SCD5: variants seen among roughly 807,000 people sequenced by gnomAD.
The protein encoded by SCD5 is stearoyl-CoA desaturase 5.
Under a neutral mutation model 30.4 loss-of-function variants are expected in SCD5, and 20 were observed. The ratio of observed to expected loss-of-function variants is 0.66; its 90% CI spans 0.46 to 0.96. SCD5 has a LOEUF of 0.96. Among genes scored for constraint, SCD5 ranks in the 40% least tolerant of loss-of-function variants. The pLI, the probability that SCD5 is intolerant of heterozygous loss-of-function variation, is 0.00. For synonymous variants in SCD5, 173 were observed against 176.4 expected (o/e 0.98, Z 0.16); for missense variants, 381 against 443.3 (o/e 0.86, Z 1.26).
intron 1 of SCD5, among the ~76,000 whole-genome samples, chr4:82,761,417 A>AGC (rs1721362119): frequency 6.6e-6 from 1 of 152,158 alleles, no homozygotes; most frequent in African/African-American, 2.4e-5. Context: ...ATAGCAACTG[A>AGC]TAGAGCCAGC....
At chr4:82,775,368 C>T (rs1721722913) in intron 1 of SCD5, 1 of 152,314 alleles carries the variant, frequency 6.6e-6, no homozygotes, top group Non-Finnish European at 1.5e-5. Flanking sequence ...AGGAAAGCAT[C>T]GGCATAGGTG....
chr4:82,748,640 G>A (rs1721042093), intron 1 of SCD5, among the ~76,000 whole-genome samples: 1 of 152,168 alleles, frequency 6.6e-6, no homozygotes, highest in Admixed American at 6.5e-5. Flanking sequence ...GTCTGCAGAT[G>A]GTTACCCACT....
In SCD5 at chr4:82,712,264, A is replaced by T. The variant is rs868018271; in HGVS notation, c.233-6851T>A. ...CTAACATATATATATATATATATAT[A>T]TATATATATATATATATATATATAT... On this transcript the variant is annotated intron_variant, in intron 1 of 4. Coordinates refer to ENST00000319540, the MANE Select transcript of SCD5 (RefSeq NM_001037582.3). Among the ~76,000 whole-genome samples the T allele has an allele frequency of 9.4e-5, 4 of 42,674 alleles. No individual in the cohort carries two copies. The East Asian group carries it at 2.4e-3, about 25-fold the overall frequency. The allele number at this position is 42,674 out of a possible 152,430, so 28.0% of individuals were successfully genotyped here. A position where few individuals can be genotyped will look rare whatever the true frequency, so the allele number is the denominator to read the frequency against.
intron 1 of SCD5, among the ~76,000 whole-genome samples, chr4:82,713,986 G>A (rs1177699930): frequency 4.6e-5 from 7 of 152,130 alleles, no homozygotes; most frequent in Non-Finnish European, 1.0e-4. Context: ...ATCGCTACAT[G>A]ACTGCACATG....
chr4:82,651,132 C>T (rs1488036070), intron 3 of SCD5, among the ~76,000 whole-genome samples: 2 of 152,150 alleles, frequency 1.3e-5, no homozygotes, highest in Non-Finnish European at 2.9e-5. Context: ...GAAAGTCTGT[C>T]TCACACAGAT....
intron 1 of SCD5, among the ~76,000 whole-genome samples, chr4:82,707,436 C>T (rs1242617589): frequency 6.6e-6 from 1 of 152,226 alleles, no homozygotes; most frequent in Non-Finnish European, 1.5e-5. Flanking sequence ...ACTATGCCAC[C>T]TCCAAGATGG....
At chr4:82,649,956 TC>T (rs1219142536) in intron 3 of SCD5, among the ~76,000 whole-genome samples, 2 of 152,192 alleles carry the variant, frequency 1.3e-5, no homozygotes, top group African/African-American at 4.8e-5. Context: ...CCCTGCCTCA[TC>T]CCGGGAGACA....
chr4:82,742,200 A>G (rs1720889660), intron 1 of SCD5, among the ~76,000 whole-genome samples: 1 of 152,190 alleles, frequency 6.6e-6, no homozygotes, highest in Non-Finnish European at 1.5e-5. Flanking sequence ...TGGAACCAGC[A>G]GACATTCAGG....
intron 1 of SCD5, among the ~76,000 whole-genome samples, chr4:82,749,814 T>C (rs1721064361): frequency 6.6e-6 from 1 of 152,350 alleles, no homozygotes; most frequent in Non-Finnish European, 1.5e-5. Context: ...AAGAACTATA[T>C]GCTGTTTAAA....
intron 3 of SCD5, among the ~76,000 whole-genome samples, chr4:82,640,327 C>T (rs1361204710): frequency 1.3e-5 from 2 of 152,178 alleles, no homozygotes; most frequent in Non-Finnish European, 2.9e-5. Flanking sequence ...GGAAAAGGCC[C>T]GGGCTTCCCC....
chr4:82,734,524 A>G (rs1244160981), intron 1 of SCD5, among the ~76,000 whole-genome samples: 1 of 152,224 alleles, frequency 6.6e-6, no homozygotes, highest in Non-Finnish European at 1.5e-5. Flanking sequence ...AAACCACATA[A>G]AGGAGATGTA....
At chr4:82,718,209 CAGACCCTCA>C (rs1393812634) in intron 1 of SCD5, among the ~76,000 whole-genome samples, 1 of 151,702 alleles carries the variant, frequency 6.6e-6, no homozygotes, top group East Asian at 1.9e-4. Context: ...CCACAATAAC[CAGACCCTCA>C]GAGGGCTGAG....
intron 1 of SCD5, among the ~76,000 whole-genome samples, chr4:82,751,623 TTTAG>T (rs36078220): frequency 0.018 from 2,734 of 152,206 alleles, 87 homozygotes; most frequent in African/African-American, 0.06. Context: ...TTTACTTTTA[TTTAG>T]TTAGTTAGTT....
intron 1 of SCD5, among the ~76,000 whole-genome samples, chr4:82,718,694 G>A (rs6535385): frequency 0.6 from 90,438 of 151,560 alleles, 28,926 homozygotes; most frequent in African/African-American, 0.82. Flanking sequence ...CAGTTCTCTA[G>A]TTAGGGACTG....
chr4:82,670,020 A>AC (rs1728274191), intron 3 of SCD5, among the ~76,000 whole-genome samples: 1 of 152,114 alleles, frequency 6.6e-6, no homozygotes, highest in South Asian at 2.1e-4. Flanking sequence ...TGTATCTCCT[A>AC]CCCCCACACA....
intron 3 of SCD5, among the ~76,000 whole-genome samples, chr4:82,637,915 G>A: frequency 6.6e-6 from 1 of 151,994 alleles, no homozygotes; most frequent in Non-Finnish European, 1.5e-5. Context: ...AGGACGTGCA[G>A]GCTTGTCACA....
intron 2 of SCD5, among the ~76,000 whole-genome samples, chr4:82,699,387 A>G (rs1719765246): frequency 6.6e-6 from 1 of 151,958 alleles, no homozygotes; most frequent in African/African-American, 2.4e-5. Context: ...GGCATTATCA[A>G]TGACTTTTTT....
chr4:82,784,275 G>T (rs555857240), intron 1 of SCD5, among the ~76,000 whole-genome samples: 2 of 152,034 alleles, frequency 1.3e-5, no homozygotes, highest in Non-Finnish European at 2.9e-5. Context: ...CCTATACAAC[G>T]CTTCAGGTGA....
chr4:82,789,981 T>C (rs934018747), intron 1 of SCD5, among the ~76,000 whole-genome samples: 8 of 152,072 alleles, frequency 5.3e-5, no homozygotes, highest in Non-Finnish European at 1.2e-4. Context: ...GTTAGTAATT[T>C]TTCCCCCAGG....
Sources: gnomAD v4.1 joint callset for allele counts (sites outside exome capture counted in the v4.1 genomes callset) on GRCh38, gnomAD v4.1.1 for gene constraint, MANE v1.5 for transcripts, NCBI Gene and HGNC (gene_info 2026-07-23, HGNC 2026-07-21) for gene names.